ERCC5: variants seen among roughly 807,000 people sequenced by gnomAD.
The protein encoded by ERCC5 is ERCC excision repair 5, endonuclease.
Under a neutral mutation model 105.6 loss-of-function variants are expected in ERCC5, and 68 were observed. The ratio of observed to expected loss-of-function variants is 0.64; its 90% CI spans 0.53 to 0.79. The LOEUF is 0.79. Among genes scored for constraint, ERCC5 ranks in the 30% least tolerant of loss-of-function variants. The pLI is 0.00. For synonymous variants in ERCC5, 546 were observed against 526.2 expected (o/e 1.04, Z -0.51); for missense variants, 1,373 against 1,426.7 (o/e 0.96, Z 0.61).
rs760467381 is a variant in ERCC5, at chr13:102,853,841, C to G, written c.349C>G (p.Gln117Glu). Residue 117 changes from glutamine (Q) to glutamate (E), a missense_variant, in exon 3 of 15, where the codon CAA (glutamine) becomes GAA (glutamate). Physicochemically the swap from Gln to Glu is conservative, Grantham distance 29. Around this residue, in one of 3 missense-constraint regions of ERCC5, gnomAD observed 1,004 missense variants for 1,059.7 expected, o/e 0.95. Transcript: ENST00000652225. ...GCTTCTGAAAACATTTTTGAAAAGA[C>G]AAGCCATCAAAACTGCCTTCAGAAG... The part of the protein sequence containing the change: ...EKLLKTFLKR[Q>E]AIKTAFRSKR... 1 of 1,614,170 alleles carries G rather than the reference C, an allele frequency of 6.2e-7. No individual in the cohort carries two copies. Among genetic ancestry groups the G allele is most frequent in the Non-Finnish European group, 8.5e-7 (1 of 1,180,024 alleles).
intron 8 of ERCC5, among the ~76,000 whole-genome samples, chr13:102,864,059 C>T (rs1320428722): frequency 1.3e-5 from 2 of 151,094 alleles, no homozygotes; most frequent in Non-Finnish European, 2.9e-5. Flanking sequence ...AGCAATGACT[C>T]GGTATTGGCT....
At chr13:102,846,466 G>A in intron 1 of ERCC5, 112 bp downstream of exon 1, 1 of 929,554 alleles carries the variant, frequency 1.1e-6, no homozygotes, top group Admixed American at 2.0e-5. Flanking sequence ...TTGGGTCGGG[G>A]TCGGGGTCGC....
intron 7 of ERCC5, 130 bp downstream of exon 7, chr13:102,861,844 TTAA>T: frequency 3.0e-6 from 4 of 1,351,960 alleles, no homozygotes; most frequent in Non-Finnish European, 4.1e-6. Flanking sequence ...TATACTGCTA[TTAA>T]TGGATTAACT....
In ERCC5 at chr13:102,862,981, A is replaced by C. The variant is rs1403731198; in HGVS notation, c.1832A>C (p.His611Pro). ...ENVVSFNAKE[H>P]ENFLETIQEQ... ...GTGGTGTCATTTAATGCTAAAGAGCATGAGAATTTTCTGGAAACCATCCAA... is the reference window on the plus strand; with the variant it reads ...GTGGTGTCATTTAATGCTAAAGAGCCTGAGAATTTTCTGGAAACCATCCAA... Residue 611 changes from histidine to proline, a missense_variant, in exon 8 of 15, where the codon CAT (histidine) becomes CCT (proline). Around this residue, in one of 3 missense-constraint regions of ERCC5, gnomAD observed 1,004 missense variants for 1,059.7 expected, o/e 0.95. Transcript: ENST00000652225. 2 of 1,614,234 alleles carry C rather than the reference A, an allele frequency of 1.2e-6. No homozygotes were observed. The highest frequency in any genetic ancestry group is 8.5e-7 in the Non-Finnish European group (1 of 1,180,034).
At position 102,873,643 on chromosome 13, in the gene ERCC5, G is replaced by A. The variant is rs140163946; in HGVS notation, c.2964+300G>A. 6.1e-3 allele frequency among the ~76,000 whole-genome samples: 922 copies of A among 152,130 alleles called. 14 individuals are homozygous for A. The highest frequency in any genetic ancestry group is 0.021 in the African/African-American group (876 of 41,488). On this transcript the variant is annotated intron_variant, in intron 14 of 14. Transcript: ENST00000652225. ...TCTGATTAAATACATTACCCCTTGG[G>A]ATTTACTTTCATTTTTTAACGAAAG... is the stretch of plus-strand genomic sequence containing the variant.
chr13:102,853,959 T>G, intron 3 of ERCC5, 87 bp downstream of exon 3: 1 of 1,283,870 alleles, frequency 7.8e-7, no homozygotes, highest in South Asian at 1.2e-5. Context: ...TTTCCCTATC[T>G]AATTTTGACT....
Position 102,863,120 on chromosome 13 carries a change from T to C in ERCC5, c.1954+17T>C, listed in dbSNP as rs775630518. The stretch of plus-strand genomic sequence containing the variant: ...AATCTGATGGTACGTGTCTGTGCTT[T>C]TGTAGAAATCTGGAACGGTAGGATT... On this transcript the variant is annotated intron_variant, in intron 8 of 14. Coordinates refer to ENST00000652225, the MANE Select transcript of ERCC5 (RefSeq NM_000123.4). The C allele has an allele frequency of 1.2e-6, 2 of 1,610,748 alleles. No individual in the cohort carries two copies. The highest frequency in any genetic ancestry group is 4.5e-5 in the East Asian group (2 of 44,780).
At chr13:102,869,821 G>T (rs1482939505) in intron 12 of ERCC5, among the ~76,000 whole-genome samples, 1 of 152,216 alleles carries the variant, frequency 6.6e-6, no homozygotes, top group East Asian at 1.9e-4. Context: ...ACTATTGAGA[G>T]TGAATTTTTT....
At chr13:102,872,613 C>T (rs765238175) in intron 13 of ERCC5, among the ~76,000 whole-genome samples, 2 of 152,078 alleles carry the variant, frequency 1.3e-5, no homozygotes, top group South Asian at 2.1e-4. Context: ...CACTCTGTCA[C>T]CCAGCCTGGA....
rs2228959 is a variant in ERCC5 at position 102,865,812 on chromosome 13, C to A, written c.2100C>A (p.Leu700=). The A allele has an allele frequency of 2.5e-3, 4,008 of 1,614,172 alleles. 159 individuals are homozygous for A. In the East Asian group the frequency reaches 0.073, roughly 30 times the overall value. ...EGEAPAESES[L]LRDNSERDDV... is the part of the protein sequence containing the mutation. ...AAGCCCCTGCTGAGTCCGAGAGCCT[C>A]CTGAGGGACAACTCTGAGAGGGACG... The change falls in exon 9 of 15, where the codon CTC becomes CTA. Residue 700 remains leucine, a synonymous_variant. Coordinates refer to ENST00000652225, the MANE Select transcript of ERCC5 (RefSeq NM_000123.4). The surrounding 1 kb of genome is among the most constrained non-coding windows in gnomAD (Gnocchi z 4.0).
Position 102,858,420 on chromosome 13 carries a change from T to G in ERCC5, c.672+2T>G, listed in dbSNP as rs1306113887. ...ACATTATTTGAAGCAATGCCAGAGG[T>G]GAAATATGCAACAGTACATTCATGC... On this transcript the variant is annotated splice_donor_variant, in intron 6 of 14. Transcript: ENST00000652225. LOFTEE classifies it high-confidence loss of function. The G allele has an allele frequency of 2.5e-6, 4 of 1,614,020 alleles. No individual in the cohort carries two copies. The East Asian group carries it at 8.9e-5, about 36-fold the overall frequency.
At chr13:102,866,018 C>T in intron 9 of ERCC5, 107 bp downstream of exon 9, 1 of 1,596,648 alleles carries the variant, frequency 6.3e-7, no homozygotes. Flanking sequence ...ATTTGCAGTA[C>T]ATCTTGTGGT....
At chr13:102,856,612 G>A (rs1882430639) in intron 5 of ERCC5, among the ~76,000 whole-genome samples, 1 of 152,206 alleles carries the variant, frequency 6.6e-6, no homozygotes, top group African/African-American at 2.4e-5. Flanking sequence ...AACATCATTT[G>A]TTATCGTCAT....
At chr13:102,863,217 A>G in intron 8 of ERCC5, 114 bp downstream of exon 8, 2 of 1,201,514 alleles carry the variant, frequency 1.7e-6, no homozygotes, top group South Asian at 2.8e-5. Context: ...GGAACGAGAG[A>G]CGTAGAAAGA....
intron 6 of ERCC5, among the ~76,000 whole-genome samples, chr13:102,861,264 C>T (rs1388181180): frequency 6.6e-6 from 1 of 152,160 alleles, no homozygotes; most frequent in Non-Finnish European, 1.5e-5. Context: ...GCTAGGATTA[C>T]AGGCATGAGC....
In ERCC5 at chr13:102,872,268, A is replaced by G. The variant is rs941483269; in HGVS notation, c.2749A>G (p.Lys917Glu). 5.0e-6 allele frequency: 8 copies of G among 1,614,046 alleles called. No individual in the cohort carries two copies. Among genetic ancestry groups the G allele is most frequent in the Non-Finnish European group, 6.8e-6 (8 of 1,180,036 alleles). Residue 917 changes from lysine (K) to glutamate (E), a missense_variant, in exon 13 of 15, where the codon AAA (lysine) becomes GAA (glutamate). Physicochemically the swap from Lys to Glu is moderately conservative, Grantham distance 56 (BLOSUM62 1). Transcript: ENST00000652225. Reference sequence around the variant, plus strand: ...TCCTCATGACACCAAAGTGAAAAAAAAATTACGGACATTGCAACTCACCCC... The same window carrying G: ...TCCTCATGACACCAAAGTGAAAAAAGAATTACGGACATTGCAACTCACCCC... ...PNPHDTKVKK[K>E]LRTLQLTPGF...
At chr13:102,872,089 A>G (rs1883052408) in intron 12 of ERCC5, 109 bp from the exon 13 acceptor site, 6 of 1,296,310 alleles carry the variant, frequency 4.6e-6, no homozygotes, top group African/African-American at 3.0e-5. Context: ...ATAGCATACA[A>G]TTTGAGTTAG....
rs964824061 is a variant in ERCC5 at position 102,875,855 on chromosome 13, G to A, written c.3513G>A (p.Lys1171=). The A allele has an allele frequency of 4.2e-5, 67 of 1,612,104 alleles. No homozygotes were observed. The highest frequency in any genetic ancestry group is 5.5e-5 in the Non-Finnish European group (65 of 1,179,946). ...TGACCGCCAGATCTGTGTTTGGGAAGAAAAGAAGGAAACTAAGACGTGCGA... is the reference window on the plus strand; with the variant it reads ...TGACCGCCAGATCTGTGTTTGGGAAAAAAAGAAGGAAACTAAGACGTGCGA... The part of the protein sequence containing the change: ...VLVTARSVFG[K]KRRKLRRARG... The change falls in exon 15 of 15, where the codon AAG becomes AAA. Residue 1171 remains lysine (K), a synonymous_variant. Coordinates refer to ENST00000652225, the MANE Select transcript of ERCC5 (RefSeq NM_000123.4).
chr13:102,873,649 C>G (rs906501804), intron 14 of ERCC5, among the ~76,000 whole-genome samples: 1 of 152,108 alleles, frequency 6.6e-6, no homozygotes, highest in African/African-American at 2.4e-5. Context: ...TTGGGATTTA[C>G]TTTCATTTTT....
Sources: allele counts gnomAD v4.1 joint callset (sites outside exome capture counted in the v4.1 genomes callset), GRCh38; gene constraint gnomAD v4.1.1; regional missense constraint gnomAD v4.1.1; non-coding constraint Gnocchi (gnomAD v3.1); transcripts MANE v1.5; gene names NCBI Gene and HGNC (gene_info 2026-07-23, HGNC 2026-07-21).